The following ATM variants were observed in gnomAD, a reference collection of about 807,000 sequenced individuals.
The protein encoded by ATM is serine-protein kinase ATM.
Under a neutral mutation model 387.0 loss-of-function variants are expected in ATM, and 308 were observed. The ratio of observed to expected loss-of-function variants is 0.80; its 90% CI spans 0.73 to 0.87. The LOEUF (loss-of-function observed/expected upper bound fraction) is 0.87, where lower values mean the gene tolerates loss of function less well. Among genes scored for constraint, ATM ranks in the 40% least tolerant of loss-of-function variants. The pLI is 0.00. For missense variants in ATM, 3,312 were observed against 3,560.9 expected, an observed-to-expected ratio of 0.93 and a Z score of 1.78; for synonymous variants, 1,156 against 1,187.3, an observed-to-expected ratio of 0.97 and a Z score of 0.54.
chr11:108,240,748 A>G (rs983267941), intron 5 of ATM, among the ~76,000 whole-genome samples: 6 of 152,200 alleles, frequency 3.9e-5, no homozygotes, highest in Non-Finnish European at 8.8e-5. Context: ...CTGGGTATGT[A>G]AATGTGTGGT....
chr11:108,254,594 A>G (rs994960429), intron 13 of ATM, among the ~76,000 whole-genome samples: 2 of 152,188 alleles, frequency 1.3e-5, no homozygotes, highest in African/African-American at 4.8e-5. Flanking sequence ...GTGTATTCAG[A>G]TCATCCACAT....
At chr11:108,358,571 A>G (rs1370000004) in intron 61 of ATM, among the ~76,000 whole-genome samples, 15 of 124,044 alleles carry the variant, frequency 1.2e-4, no homozygotes, top group Non-Finnish European at 2.4e-4. Flanking sequence ...CTCAAAGGGA[A>G]GCCCATCAGA....
At chr11:108,262,422 C>T (rs2080954300) in intron 16 of ATM, among the ~76,000 whole-genome samples, 1 of 152,294 alleles carries the variant, frequency 6.6e-6, no homozygotes, top group East Asian at 1.9e-4. Context: ...ACTTTACAGA[C>T]AAGCAAATGC....
intron 61 of ATM, among the ~76,000 whole-genome samples, chr11:108,359,953 G>T (rs60972360): frequency 0.1 from 15,460 of 151,726 alleles, 940 homozygotes; most frequent in East Asian, 0.21. Context: ...AATCAGAGCA[G>T]AACTGAAGGA....
chr11:108,240,366 C>T lies in ATM; in HGVS notation c.497-3587C>T, dbSNP rs144671883. On this transcript the variant is annotated intron_variant, in intron 5 of 62. Transcript: ENST00000675843. Reference sequence around the variant, plus strand: ...GGAACCATGGATCTTTTTGCTATCTCCATGGTTTAGCCTTTTCCAGCATGT... The same window carrying T: ...GGAACCATGGATCTTTTTGCTATCTTCATGGTTTAGCCTTTTCCAGCATGT... 3.9e-3 allele frequency among the ~76,000 whole-genome samples: 592 copies of T among 152,254 alleles called. 1 individual carries two copies. Among genetic ancestry groups the T allele is most frequent in the African/African-American group, 0.013 (557 of 41,552 alleles).
intron 48 of ATM, among the ~76,000 whole-genome samples, chr11:108,328,767 A>T (rs762210990): frequency 8.8e-4 from 134 of 151,990 alleles, no homozygotes; most frequent in Non-Finnish European, 1.4e-3. Flanking sequence ...TAATGAGCTT[A>T]AAAAAAATCA....
At chr11:108,327,295 G>A in intron 47 of ATM, 1 of 285,384 alleles carries the variant, frequency 3.5e-6, no homozygotes, top group Non-Finnish European at 6.8e-6. Context: ...TTGTACCTCA[G>A]TTTTCTAATC....
At chr11:108,364,433 C>G (rs1416260567) in intron 61 of ATM, among the ~76,000 whole-genome samples, 2 of 152,134 alleles carry the variant, frequency 1.3e-5, no homozygotes, top group Non-Finnish European at 2.9e-5. Context: ...GCTACTTGCT[C>G]TAGCCATGTC....
chr11:108,268,474 C>T lies in ATM; in HGVS notation c.2703C>T (p.Leu901=), dbSNP rs1315907364. 1.2e-6 allele frequency: 2 copies of T among 1,614,026 alleles called. No individual in the cohort carries two copies. Among genetic ancestry groups the T allele is most frequent in the Non-Finnish European group, 1.7e-6 (2 of 1,179,986 alleles). The change falls in exon 18 of 63, where the codon CTC becomes CTT. Residue 901 remains leucine, a synonymous_variant. Coordinates refer to ENST00000675843, the MANE Select transcript of ATM (RefSeq NM_000051.4). The stretch of plus-strand genomic sequence containing the variant: ...AAGATCTACTTTTCTTAGACATGCT[C>T]AAGTTCTTGTGTTTGTGTGTAACTA... The part of the protein sequence containing the change: ...SKQDLLFLDM[L]KFLCLCVTTA...
chr11:108,231,401 T>G (rs958026173), intron 4 of ATM: 1 of 151,976 alleles, frequency 6.6e-6, no homozygotes, highest in African/African-American at 2.4e-5. Context: ...ACTCTTAATT[T>G]AAGAATCAGG....
intron 61 of ATM, among the ~76,000 whole-genome samples, chr11:108,362,992 A>C (rs1445219901): frequency 6.6e-6 from 1 of 152,066 alleles, no homozygotes; most frequent in Non-Finnish European, 1.5e-5. Flanking sequence ...CAAACAAACA[A>C]AAAAAACACA....
intron 57 of ATM, 61 bp from the exon 58 acceptor site, chr11:108,345,682 T>G: frequency 7.8e-7 from 1 of 1,287,020 alleles, no homozygotes; most frequent in Admixed American, 2.2e-5. Context: ...TATAAAAATG[T>G]GTATATTAGT....
chr11:108,284,444 C>G lies in ATM; in HGVS notation c.3964C>G (p.Leu1322Val), dbSNP rs144535256. 1 of 1,613,932 alleles carries G rather than the reference C, an allele frequency of 6.2e-7. No homozygotes were observed. Among genetic ancestry groups the G allele is most frequent in the East Asian group, 2.2e-5 (1 of 44,846 alleles). ...RETATKVYDM[L>V]KSENLLGKQI... ...GACTGCTACCAAGGTCTATGATATG[C>G]TTAAAAGTGAAAACTTATTGGGAAA... The change falls in exon 26 of 63, where the codon CTT (leucine) becomes GTT (valine). Residue 1322 changes from leucine (L) to valine (V), a missense_variant. Leu to Val is a conservative substitution (Grantham distance 32, BLOSUM62 1). Around this residue, in one of 4 missense-constraint regions of ATM, gnomAD observed 1,791 missense variants for 1,804.5 expected, o/e 0.99. Coordinates refer to ENST00000675843, the MANE Select transcript of ATM (RefSeq NM_000051.4).
rs150215836 is a variant in ATM, at chr11:108,352,269, T to G, written c.8672-1497T>G. Among the ~76,000 whole-genome samples the G allele has an allele frequency of 4.4e-3, 674 of 152,244 alleles. 4 individuals are homozygous for G. The highest frequency in any genetic ancestry group is 0.01 in the Middle Eastern group (3 of 294). ...ACTGAAGGAACAATTACAAACATGC[T>G]TGAAACAAATTAAAATATAGTAAGT... On this transcript the variant is annotated intron_variant, in intron 59 of 62. Transcript: ENST00000675843.
rs1555099762 is a variant in ATM at position 108,292,636 on chromosome 11, A to T, written c.4454A>T (p.Asp1485Val). ...YINQRPSCIM[D>V]VSLRSFSLCC... is the part of the protein sequence containing the mutation. The stretch of plus-strand genomic sequence containing the variant: ...TATATTAGGCCTTCTTGTATCATGG[A>T]TGTGTCATTACGTAGCTTCTCCCTT... Residue 1485 changes from aspartate to valine, a missense_variant, in exon 30 of 63, where the codon GAT becomes GTT. This residue lies in a region of ATM where 1,791 missense variants were observed against 1,804.5 expected (regional missense o/e 0.99). Transcript: ENST00000675843. The T allele has an allele frequency of 6.2e-7, 1 of 1,613,126 alleles. No individual in the cohort carries two copies. Among genetic ancestry groups the T allele is most frequent in the Non-Finnish European group, 8.5e-7 (1 of 1,179,746 alleles).
chr11:108,314,205 T>G (rs1380126219), intron 40 of ATM, among the ~76,000 whole-genome samples: 1 of 152,088 alleles, frequency 6.6e-6, no homozygotes, highest in African/African-American at 2.4e-5. Flanking sequence ...AAGCTCTGCC[T>G]CCCAGGCTCA....
At position 108,292,340 on chromosome 11, in the gene ATM, T is replaced by C. The variant is rs4988007; in HGVS notation, c.4437-279T>C. On this transcript the variant is annotated intron_variant, in intron 29 of 62. Transcript: ENST00000675843. ...TTTCTTGATTCAATATTTTCCTGAT[T>C]ACTGTAAACCTTTGACTATTTTACA... Among the ~76,000 whole-genome samples the C allele has an allele frequency of 6.1e-3, 923 of 152,324 alleles. 6 individuals carry two copies. Among genetic ancestry groups the C allele is most frequent in the East Asian group, 0.011 (55 of 5,192 alleles).
intron 40 of ATM, among the ~76,000 whole-genome samples, chr11:108,314,798 G>A (rs1591770159): frequency 6.6e-6 from 1 of 152,146 alleles, no homozygotes; most frequent in East Asian, 1.9e-4. Context: ...AAAGTAGCTT[G>A]AGAAAAGAAA....
intron 17 of ATM, among the ~76,000 whole-genome samples, chr11:108,268,083 C>G (rs2081361941): frequency 6.6e-6 from 1 of 152,088 alleles, no homozygotes; most frequent in Admixed American, 6.6e-5. Flanking sequence ...AATGGCTTCA[C>G]CATTTTTCTG....
Sources: gnomAD v4.1 joint callset for allele counts (sites outside exome capture counted in the v4.1 genomes callset) on GRCh38, gnomAD v4.1.1 for gene constraint, gnomAD v4.1.1 regional missense constraint, MANE v1.5 for transcripts, NCBI Gene and HGNC (gene_info 2026-07-23, HGNC 2026-07-21) for gene names.